ANO7: variants seen among roughly 807,000 people sequenced by gnomAD.
ANO7 encodes anoctamin-7.
A neutral mutation model predicts 115.8 loss-of-function variants in ANO7; 114 were observed. The observed-to-expected ratio is 0.98, with a 90% CI of 0.85 to 1.15. ANO7 has a LOEUF of 1.15. ANO7 is among the 50% of genes most tolerant of loss of function. The pLI, the probability that ANO7 is intolerant of heterozygous loss-of-function variation, is 0.00. For missense variants in ANO7, 1,302 were observed against 1,201.2 expected, an observed-to-expected ratio of 1.08 and a Z score of -1.24; for synonymous variants, 550 against 498.2, an observed-to-expected ratio of 1.10 and a Z score of -1.38.
At chr2:241,214,662 G>A in intron 17 of ANO7, 143 bp from the exon 18 acceptor site, 1 of 668,090 alleles carries the variant, frequency 1.5e-6, no homozygotes, top group South Asian at 1.8e-5. Context: ...TATGGTGGGA[G>A]CATCTCTGCA....
chr2:241,236,589 G>T, the ANO7 span: 13 of 1,611,974 alleles, frequency 8.1e-6, no homozygotes, highest in African/African-American at 1.7e-4. Context: ...TTGGCGGGGG[G>T]TGGAGGGGGG....
At chr2:241,237,167 A>G in the ANO7 span, among the ~76,000 whole-genome samples, 1 of 152,230 alleles carries the variant, frequency 6.6e-6, no homozygotes, top group Non-Finnish European at 1.5e-5. Flanking sequence ...ACTGTGAGGC[A>G]GGGCTCATCA....
chr2:241,190,472 G>A (rs907430252), intron 2 of ANO7, among the ~76,000 whole-genome samples: 1 of 152,196 alleles, frequency 6.6e-6, no homozygotes, highest in African/African-American at 2.4e-5. Context: ...GGCCCTCCCT[G>A]TGGTGTCAGT....
intron 4 of ANO7, 114 bp downstream of exon 4, chr2:241,195,959 C>T: frequency 1.3e-6 from 2 of 1,592,390 alleles, no homozygotes; most frequent in East Asian, 2.3e-5. Context: ...GCAGATCAGG[C>T]CCCAAAGTCC....
chr2:241,236,147 C>G, the ANO7 span: 2 of 199,172 alleles, frequency 1.0e-5, no homozygotes, highest in South Asian at 2.1e-4. Flanking sequence ...GACTGCTTGT[C>G]TCTCCACGGC....
At position 241,190,190 on chromosome 2, in the gene ANO7, C is replaced by T. The variant is rs1337054610; in HGVS notation, c.108+19C>T. The T allele has an allele frequency of 3.2e-6, 5 of 1,546,138 alleles. No homozygotes were observed. The highest frequency in any genetic ancestry group is 2.0e-5 in the Admixed American group (1 of 50,722). On this transcript the variant is annotated intron_variant, in intron 2 of 24. Coordinates refer to ENST00000674324, the MANE Select transcript of ANO7 (RefSeq NM_001370694.2). ...CTCGGAGGTAACAGCACCCAGGAGACTGTGGTGCGACTTGAGAGGTCCTCC... is the reference window on the plus strand; with the variant it reads ...CTCGGAGGTAACAGCACCCAGGAGATTGTGGTGCGACTTGAGAGGTCCTCC...
At chr2:241,189,369 C>T (rs1451782374) in intron 1 of ANO7, among the ~76,000 whole-genome samples, 3 of 152,190 alleles carry the variant, frequency 2.0e-5, no homozygotes, top group South Asian at 2.1e-4. Flanking sequence ...CTCCGGTCAT[C>T]GTCGCAGCTC....
the ANO7 span, chr2:241,233,717 G>T: frequency 1.6e-6 from 2 of 1,280,674 alleles, no homozygotes; most frequent in South Asian, 1.4e-5. The surrounding 1 kb of genome is among the most constrained non-coding windows in gnomAD (Gnocchi z 4.3). Context: ...CTCTCAACTT[G>T]GCCCTCGAAC....
At chr2:241,218,419 C>A in intron 21 of ANO7, 38 bp downstream of exon 21, 2 of 1,260,408 alleles carry the variant, frequency 1.6e-6, no homozygotes, top group South Asian at 4.7e-5. Flanking sequence ...CGCGGGCGCA[C>A]GAGGACGAGG....
chr2:241,235,412 T>C, the ANO7 span: 2 of 1,465,232 alleles, frequency 1.4e-6, no homozygotes, highest in East Asian at 2.3e-5. Flanking sequence ...CAACAGGAAG[T>C]TGAGAAAGGA....
the ANO7 span, chr2:241,240,026 T>C: frequency 4.3e-6 from 7 of 1,614,252 alleles, no homozygotes; most frequent in Non-Finnish European, 5.9e-6. This position sits in a 1 kb window ranked among gnomAD's most constrained non-coding sequence, Gnocchi z 5.5. Flanking sequence ...GCTCCAGTGC[T>C]GTCGCGCACC....
At chr2:241,206,660 G>A (rs866610272) in intron 10 of ANO7, among the ~76,000 whole-genome samples, 5 of 42,540 alleles carry the variant, frequency 1.2e-4, no homozygotes, top group Admixed American at 2.4e-4. Flanking sequence ...GTGGGCAGGA[G>A]TGCTCCCAGC....
chr2:241,216,020 TC>T (rs2068820706), intron 18 of ANO7, 72 bp from the exon 19 acceptor site: 1 of 1,509,808 alleles, frequency 6.6e-7, no homozygotes. Flanking sequence ...CGGCCACATC[TC>T]CCCCAAGGAC....
chr2:241,204,760 T>A (rs1244358756), intron 9 of ANO7, 105 bp from the exon 10 acceptor site: 1 of 787,692 alleles, frequency 1.3e-6, no homozygotes, highest in Non-Finnish European at 2.1e-6. Flanking sequence ...GCCCCCAAGC[T>A]GGGCTGAGGG....
At chr2:241,230,489 C>T (rs924026294), downstream of ANO7, among the ~76,000 whole-genome samples, 6 of 152,242 alleles carry the variant, frequency 3.9e-5, no homozygotes, top group Non-Finnish European at 7.3e-5. The surrounding 1 kb of genome is among the most constrained non-coding windows in gnomAD (Gnocchi z 5.0). Flanking sequence ...ACGTACTGTG[C>T]GCTCTTGCAT....
chr2:241,217,514 G>C, intron 19 of ANO7, 172 bp from the exon 20 acceptor site: 6 of 724,662 alleles, frequency 8.3e-6, no homozygotes, highest in Middle Eastern at 4.0e-4. Context: ...GGTCAGGAGA[G>C]GCGGCCCTGG....
rs375775978 is a variant in ANO7 at position 241,199,296 on chromosome 2, G to T, written c.310-20G>T. 7.6e-5 allele frequency: 123 copies of T among 1,609,676 alleles called. No homozygotes were observed. In the African/African-American group the frequency reaches 1.6e-3, roughly 20 times the overall value. On this transcript the variant is annotated intron_variant, in intron 4 of 24. Coordinates refer to ENST00000674324, the MANE Select transcript of ANO7 (RefSeq NM_001370694.2). ...CACACATGCACCCTCAGGCTCTCAC[G>T]GAGCCCTGGGTGCCTACAGCAGGAC... is the stretch of plus-strand genomic sequence containing the variant.
intron 3 of ANO7, among the ~76,000 whole-genome samples, 153 bp downstream of exon 3, chr2:241,191,404 CG>C (rs1414843134): frequency 6.6e-6 from 1 of 151,980 alleles, no homozygotes; most frequent in African/African-American, 2.4e-5. Flanking sequence ...GTGAGGGCCT[CG>C]GGGTGAGCAA....
At chr2:241,211,367 T>TA (rs1294118587) in intron 15 of ANO7, among the ~76,000 whole-genome samples, 2 of 152,242 alleles carry the variant, frequency 1.3e-5, no homozygotes, top group African/African-American at 2.4e-5. Flanking sequence ...GACAAACACT[T>TA]ACGACCAACC....
Sources: allele counts gnomAD v4.1 joint callset (sites outside exome capture counted in the v4.1 genomes callset), GRCh38; gene constraint gnomAD v4.1.1; non-coding constraint Gnocchi (gnomAD v3.1); transcripts MANE v1.5; gene names NCBI Gene and HGNC (gene_info 2026-07-23, HGNC 2026-07-21).